The following ALLC variants were observed in gnomAD, a reference collection of about 807,000 sequenced individuals.
The protein encoded by ALLC is allantoicase, also known as probable inactive allantoicase.
A neutral mutation model predicts 45.0 loss-of-function variants in ALLC; 40 were observed. That is an observed-to-expected ratio of 0.89 (90% CI 0.69 to 1.16). The LOEUF (loss-of-function observed/expected upper bound fraction) is 1.16, where lower values mean the gene tolerates loss of function less well. ALLC is among the 50% of genes most tolerant of loss of function. ALLC has a pLI of 0.00. For synonymous variants in ALLC, 176 were observed against 178.1 expected (o/e 0.99, Z 0.09); for missense variants, 488 against 493.1 (o/e 0.99, Z 0.10).
upstream of ALLC, among the ~76,000 whole-genome samples, chr2:3,655,084 C>T (rs1296289551): frequency 6.6e-6 from 1 of 152,248 alleles, no homozygotes; most frequent in South Asian, 2.1e-4. Flanking sequence ...GTGCACTCCC[C>T]AGGTCACTGG....
At chr2:3,694,130 G>T (rs1490644786) in intron 7 of ALLC, among the ~76,000 whole-genome samples, 2 of 152,220 alleles carry the variant, frequency 1.3e-5, no homozygotes, top group African/African-American at 2.4e-5. Flanking sequence ...AACCCAATTT[G>T]TACAGGATTC....
chr2:3,687,264 A>G (rs1264545386), intron 7 of ALLC, among the ~76,000 whole-genome samples: 1 of 151,136 alleles, frequency 6.6e-6, no homozygotes, highest in Admixed American at 6.6e-5. Context: ...ATGTTGAGAC[A>G]TGCTTGCCTT....
rs376266075 is a variant in ALLC, at chr2:3,684,190, A to ATT, written c.511+1119_511+1120dup. On this transcript the variant is annotated intron_variant, in intron 7 of 11. Coordinates refer to ENST00000252505, the MANE Select transcript of ALLC (RefSeq NM_018436.4). ...TAGGCTTTTCCGAAAGTGCTGCACT[A>ATT]TTTTACATTCTTAACAGCCACGTAA... is the stretch of plus-strand genomic sequence containing the variant. Among the ~76,000 whole-genome samples, 362 of 152,236 alleles carry ATT rather than the reference A, an allele frequency of 2.4e-3. 3 individuals are homozygous for ATT. The highest frequency in any genetic ancestry group is 8.3e-3 in the African/African-American group (343 of 41,532).
At chr2:3,664,817 G>A (rs2147993257) in intron 1 of ALLC, among the ~76,000 whole-genome samples, 1 of 151,780 alleles carries the variant, frequency 6.6e-6, no homozygotes, top group East Asian at 1.9e-4. Context: ...CCAAGAGTTT[G>A]AGGCTGCAGT....
chr2:3,665,340 A>G (rs1426678213), intron 1 of ALLC, among the ~76,000 whole-genome samples: 1 of 151,786 alleles, frequency 6.6e-6, no homozygotes, highest in African/African-American at 2.4e-5. Context: ...GTTCTGGGAT[A>G]CATGTGCGGA....
the ALLC span, among the ~76,000 whole-genome samples, chr2:3,650,718 C>T: frequency 1.3e-5 from 2 of 152,200 alleles, no homozygotes; most frequent in African/African-American, 2.4e-5. Context: ...CCTCTGCCTC[C>T]ACACTACCCC....
At chr2:3,652,846 C>G in the ALLC span, among the ~76,000 whole-genome samples, 1 of 152,126 alleles carries the variant, frequency 6.6e-6, no homozygotes, top group East Asian at 1.9e-4. Context: ...CATCCCAAAA[C>G]GCTAGGATTA....
the ALLC span, among the ~76,000 whole-genome samples, chr2:3,646,554 CCTTGT>C: frequency 6.6e-6 from 1 of 152,182 alleles, no homozygotes; most frequent in Non-Finnish European, 1.5e-5. Flanking sequence ...AAGAGGAGCA[CCTTGT>C]CTTCATGGAG....
At chr2:3,676,214 A>G (rs1277462379) in intron 3 of ALLC, among the ~76,000 whole-genome samples, 1 of 152,236 alleles carries the variant, frequency 6.6e-6, no homozygotes, top group Admixed American at 6.5e-5. Flanking sequence ...ATTCGTAAAT[A>G]TATAAGATAT....
intron 1 of ALLC, among the ~76,000 whole-genome samples, chr2:3,659,462 C>T: frequency 6.6e-6 from 1 of 152,172 alleles, no homozygotes; most frequent in East Asian, 1.9e-4. Flanking sequence ...TCAGAGCTGA[C>T]CCTGGGTCTG....
intron 1 of ALLC, among the ~76,000 whole-genome samples, chr2:3,658,795 G>A (rs1248572823): frequency 6.6e-6 from 1 of 150,754 alleles, no homozygotes; most frequent in Non-Finnish European, 1.5e-5. Context: ...TTGAGCCCGG[G>A]ATGGGATTGG....
chr2:3,670,389 T>C (rs1666832360), intron 1 of ALLC, among the ~76,000 whole-genome samples: 1 of 152,186 alleles, frequency 6.6e-6, no homozygotes, highest in South Asian at 2.1e-4. Flanking sequence ...CCTCTTGGCT[T>C]AGGGGCGGGG....
At position 3,701,583 on chromosome 2, in the gene ALLC, CAAAAGTGGA is replaced by C. The variant is rs1667836733; in HGVS notation, c.923_931del (p.Gln308_Ile311delinsLeu). 6.2e-7 allele frequency: 1 copy of C among 1,609,200 alleles called. No individual in the cohort carries two copies. The highest frequency in any genetic ancestry group is 1.3e-5 in the African/African-American group (1 of 74,792). On this transcript the variant is annotated inframe_deletion, in exon 11 of 12. Transcript: ENST00000252505. ...TCAGGAAGAAGAAGCCGTGATCAGGCAAAAGTGGATTCTCCCGGCCCACAAGTGGAAACC... is the reference window on the plus strand; with the variant it reads ...TCAGGAAGAAGAAGCCGTGATCAGGCTTCTCCCGGCCCACAAGTGGAAACC...
intron 1 of ALLC, among the ~76,000 whole-genome samples, chr2:3,663,876 T>A: frequency 6.6e-6 from 1 of 152,240 alleles, no homozygotes. Flanking sequence ...GAAAATCTCT[T>A]CTGTTCTGTT....
At chr2:3,671,075 G>A (rs1250912180) in intron 1 of ALLC, 21 bp from the exon 2 acceptor site, 8 of 1,508,594 alleles carry the variant, frequency 5.3e-6, no homozygotes, top group South Asian at 2.4e-5. Context: ...AAGGTTGACC[G>A]AGCTGCCCTC....
chr2:3,667,401 G>A (rs968994293), intron 1 of ALLC, among the ~76,000 whole-genome samples: 3 of 152,234 alleles, frequency 2.0e-5, no homozygotes, highest in Non-Finnish European at 4.4e-5. Context: ...CACAGAACCA[G>A]GTGGAGTTTG....
At chr2:3,687,662 CTTGGTAGA>C (rs1001027282) in intron 7 of ALLC, among the ~76,000 whole-genome samples, 6 of 150,934 alleles carry the variant, frequency 4.0e-5, no homozygotes, top group Admixed American at 1.3e-4. Context: ...ATGGTTCAAT[CTTGGTAGA>C]TTGTATGTGT....
In ALLC at chr2:3,680,382, G is replaced by A. The variant is rs2148006676; in HGVS notation, c.298+388G>A. Among the ~76,000 whole-genome samples the A allele has an allele frequency of 6.6e-6, 1 of 152,312 alleles. No individual in the cohort carries two copies. Among genetic ancestry groups the A allele is most frequent in the African/African-American group, 2.4e-5 (1 of 41,578 alleles). On this transcript the variant is annotated intron_variant, in intron 5 of 11. Coordinates refer to ENST00000252505, the MANE Select transcript of ALLC (RefSeq NM_018436.4). This position sits in a 1 kb window ranked among gnomAD's most constrained non-coding sequence, Gnocchi z 4.0. Reference sequence around the variant, plus strand: ...CTGTGGGGTGAGCAGCACCAGCCCTGCTTTGGGCTGTCCCAGTGTGTGTGA... The same window carrying A: ...CTGTGGGGTGAGCAGCACCAGCCCTACTTTGGGCTGTCCCAGTGTGTGTGA...
the ALLC span, among the ~76,000 whole-genome samples, chr2:3,648,333 A>G: frequency 2.0e-5 from 3 of 152,182 alleles, no homozygotes; most frequent in African/African-American, 7.2e-5. Context: ...AGGCTTTCAC[A>G]TGCTCGAGGC....
Sources: allele counts gnomAD v4.1 joint callset (sites outside exome capture counted in the v4.1 genomes callset), GRCh38; gene constraint gnomAD v4.1.1; non-coding constraint Gnocchi (gnomAD v3.1); transcripts MANE v1.5; gene names NCBI Gene and HGNC (gene_info 2026-07-23, HGNC 2026-07-21).